Variants in ACSS3 observed in about 807,000 individuals in gnomAD.
The protein encoded by ACSS3 is acyl-CoA synthetase short-chain family member 3, mitochondrial.
A neutral mutation model predicts 84.2 loss-of-function variants in ACSS3; 64 were observed. The observed-to-expected ratio is 0.76, with a 90% confidence interval of 0.62 to 0.94. The LOEUF is 0.94. ACSS3 is among the 40% of genes least tolerant of loss of function. ACSS3 has a pLI of 0.00. For synonymous variants in ACSS3, 317 were observed against 310.1 expected, an observed-to-expected ratio of 1.02 and a Z score of -0.23; for missense variants, 815 against 867.6, an observed-to-expected ratio of 0.94 and a Z score of 0.76.
intron 1 of ACSS3, among the ~76,000 whole-genome samples, chr12:81,095,366 T>C (rs181281965): frequency 5.6e-4 from 85 of 152,354 alleles, no homozygotes; most frequent in Non-Finnish European, 2.8e-4. Context: ...AATATACTTA[T>C]GCTTTGAAAC....
chr12:81,151,482 T>C (rs1467460726), intron 5 of ACSS3, among the ~76,000 whole-genome samples: 1 of 152,206 alleles, frequency 6.6e-6, no homozygotes, highest in Non-Finnish European at 1.5e-5. Flanking sequence ...ACATTTTACC[T>C]TTCTTCGCAT....
chr12:81,108,267 T>TATTATTATTA lies in ACSS3; in HGVS notation c.312-1292_312-1283dup, dbSNP rs1555245687. Among the ~76,000 whole-genome samples the TATTATTATTA allele has an allele frequency of 2.0e-3, 212 of 104,874 alleles. 1 individual carries two copies. The highest frequency in any genetic ancestry group is 4.7e-3 in the Middle Eastern group (1 of 214). 68.8% of individuals were successfully genotyped at this position (104,874 alleles called of 152,430 possible). A position where few individuals can be genotyped will look rare whatever the true frequency, so the allele number is the denominator to read the frequency against. ...TGTGGCTATTATTATTATTATTAAT[T>TATTATTATTA]ATTATTATTATTATTATTATTGTTA... On this transcript the variant is annotated intron_variant, in intron 1 of 15. Coordinates refer to ENST00000548058, the MANE Select transcript of ACSS3 (RefSeq NM_024560.4).
rs1445600627 is a variant in ACSS3, at chr12:81,258,786, A to G, written c.*3864A>G. Reference sequence around the variant, plus strand: ...AGCCTCAGACTCTGCGGTGGTTGACATTCACTGTCCAGTACTGGCTGGCAT... The same window carrying G: ...AGCCTCAGACTCTGCGGTGGTTGACGTTCACTGTCCAGTACTGGCTGGCAT... On this transcript the variant is annotated 3_prime_UTR_variant, in exon 16 of 16. Coordinates refer to ENST00000548058, the MANE Select transcript of ACSS3 (RefSeq NM_024560.4). 1.3e-5 allele frequency: 2 copies of G among 152,002 alleles called. No individual in the cohort carries two copies. Among genetic ancestry groups the G allele is most frequent in the Non-Finnish European group, 2.9e-5 (2 of 68,018 alleles). The allele number at this position is 152,002 out of a possible 1,614,324, so 9.4% of individuals were successfully genotyped here. A position where few individuals can be genotyped will look rare whatever the true frequency, so the allele number is the denominator to read the frequency against.
chr12:81,150,084 C>G (rs1307213544), intron 5 of ACSS3, among the ~76,000 whole-genome samples: 2 of 152,142 alleles, frequency 1.3e-5, no homozygotes, highest in African/African-American at 4.8e-5. Context: ...AATTACTACT[C>G]AGTTATGTCT....
chr12:81,077,932 C>T (rs534477985), upstream of ACSS3: 5 of 643,794 alleles, frequency 7.8e-6, no homozygotes, highest in Admixed American at 1.5e-4. Context: ...GGGGCCCCCA[C>T]TTTAGCCTGT....
chr12:81,098,040 G>A (rs1322964448), intron 1 of ACSS3, among the ~76,000 whole-genome samples: 1 of 152,108 alleles, frequency 6.6e-6, no homozygotes, highest in Non-Finnish European at 1.5e-5. Flanking sequence ...ACCCATGTAT[G>A]GGTGGGATTA....
At chr12:81,107,599 A>T (rs1468972125) in intron 1 of ACSS3, among the ~76,000 whole-genome samples, 1 of 134,204 alleles carries the variant, frequency 7.5e-6, no homozygotes, top group East Asian at 2.2e-4. Context: ...ACCTTTCCTT[A>T]TTTCCACCAC....
chr12:81,178,720 C>G (rs536434335), intron 8 of ACSS3, among the ~76,000 whole-genome samples: 4 of 152,186 alleles, frequency 2.6e-5, no homozygotes, highest in African/African-American at 9.6e-5. Context: ...GTCATACTGT[C>G]TAAAGCAATT....
At chr12:81,167,041 G>A (rs1887435741) in intron 7 of ACSS3, among the ~76,000 whole-genome samples, 1 of 152,214 alleles carries the variant, frequency 6.6e-6, no homozygotes, top group African/African-American at 2.4e-5. Flanking sequence ...GAAGCAATGA[G>A]CTACGAGCTG....
At chr12:81,182,641 A>G (rs1024500211) in intron 8 of ACSS3, among the ~76,000 whole-genome samples, 2 of 152,230 alleles carry the variant, frequency 1.3e-5, no homozygotes, top group Non-Finnish European at 2.9e-5. Flanking sequence ...GAGATTTTGT[A>G]TGCAACAGAA....
intron 5 of ACSS3, among the ~76,000 whole-genome samples, chr12:81,148,900 A>G (rs1886476806): frequency 6.8e-6 from 1 of 147,500 alleles, no homozygotes; most frequent in Non-Finnish European, 1.5e-5. Flanking sequence ...CCTCTACTAA[A>G]AAAAAAAAAA....
At chr12:81,104,066 C>A (rs1336045365) in intron 1 of ACSS3, among the ~76,000 whole-genome samples, 1 of 152,078 alleles carries the variant, frequency 6.6e-6, no homozygotes, top group African/African-American at 2.4e-5. Flanking sequence ...AAATATACTT[C>A]CTGCCAAATA....
chr12:81,169,320 G>A (rs140805468), intron 7 of ACSS3, among the ~76,000 whole-genome samples: 2 of 152,208 alleles, frequency 1.3e-5, no homozygotes, highest in African/African-American at 4.8e-5. Flanking sequence ...ATAACACAAA[G>A]TCCTTCATCT....
Position 81,257,474 on chromosome 12 carries a change from C to T in ACSS3, c.*2552C>T, listed in dbSNP as rs1427565732. The T allele has an allele frequency of 4.6e-5, 7 of 150,806 alleles. No individual in the cohort carries two copies. The South Asian group carries it at 6.2e-4, about 13-fold the overall frequency. 9.3% of individuals were successfully genotyped at this position (150,806 alleles called of 1,614,324 possible). ...AATATTACTAAAAAATGCAGACATA[C>T]TTAAACTTGCTAGAATAAATTCTGT... On this transcript the variant is annotated 3_prime_UTR_variant, in exon 16 of 16. Transcript: ENST00000548058.
At chr12:81,144,025 C>A (rs1346156112) in intron 5 of ACSS3, among the ~76,000 whole-genome samples, 1 of 152,066 alleles carries the variant, frequency 6.6e-6, no homozygotes, top group Non-Finnish European at 1.5e-5. Flanking sequence ...TAGTAGGGGA[C>A]GGGACTTTCA....
chr12:81,187,425 C>T (rs2031329922), intron 8 of ACSS3, among the ~76,000 whole-genome samples: 2 of 151,784 alleles, frequency 1.3e-5, no homozygotes, highest in Non-Finnish European at 2.9e-5. Context: ...TTAGAGATAC[C>T]TATGTCTTAT....
At chr12:81,088,525 T>A (rs1362515818) in intron 1 of ACSS3, among the ~76,000 whole-genome samples, 2 of 152,060 alleles carry the variant, frequency 1.3e-5, no homozygotes, top group African/African-American at 4.8e-5. Context: ...GTCTCCATAG[T>A]ATGCGCTAGA....
At position 81,255,048 on chromosome 12, in the gene ACSS3, A is replaced by G; in HGVS notation, c.*126A>G. The G allele has an allele frequency of 2.1e-6, 2 of 944,048 alleles. No homozygotes were observed. The highest frequency in any genetic ancestry group is 2.8e-5 in the East Asian group (1 of 35,462). The allele number at this position is 944,048 out of a possible 1,614,324, so 58.5% of individuals were successfully genotyped here. A position where few individuals can be genotyped will look rare whatever the true frequency, so the allele number is the denominator to read the frequency against. ...TGCAAAATGAAATGTGAATTGTAAA[A>G]CTTGGCCTAAACAAATCTAATGAAA... is the stretch of plus-strand genomic sequence containing the variant. On this transcript the variant is annotated 3_prime_UTR_variant, in exon 16 of 16. Coordinates refer to ENST00000548058, the MANE Select transcript of ACSS3 (RefSeq NM_024560.4).
intron 13 of ACSS3, among the ~76,000 whole-genome samples, chr12:81,242,811 C>A (rs538233349): frequency 2.6e-4 from 39 of 151,508 alleles, no homozygotes; most frequent in African/African-American, 9.4e-4. Context: ...TTCAACAACC[C>A]TTCATGCTAA....
Sources: allele counts gnomAD v4.1 joint callset (sites outside exome capture counted in the v4.1 genomes callset), GRCh38; gene constraint gnomAD v4.1.1; transcripts MANE v1.5; gene names NCBI Gene and HGNC (gene_info 2026-07-23, HGNC 2026-07-21).